MACROD2: variants seen among roughly 807,000 people sequenced by gnomAD.
MACROD2 encodes mono-ADP ribosylhydrolase 2.
In MACROD2, 36 loss-of-function variants were observed where a neutral mutation model predicts 70.4. The observed-to-expected ratio is 0.51, with a 90% confidence interval of 0.39 to 0.68. The LOEUF (loss-of-function observed/expected upper bound fraction) is 0.68, where lower values mean the gene tolerates loss of function less well. Among genes scored for constraint, MACROD2 ranks in the 30% least tolerant of loss-of-function variants. The pLI is 0.00. For missense variants in MACROD2, 496 were observed against 538.4 expected, an observed-to-expected ratio of 0.92 and a Z score of 0.78; for synonymous variants, 172 against 178.8, an observed-to-expected ratio of 0.96 and a Z score of 0.30.
At chr20:15,208,342 GTTTA>G (rs1203545616) in intron 5 of MACROD2, among the ~76,000 whole-genome samples, 1 of 152,042 alleles carries the variant, frequency 6.6e-6, no homozygotes, top group African/African-American at 2.4e-5. Context: ...GTACATAACT[GTTTA>G]TTGGAGCATT....
rs76797286 is a variant in MACROD2, at chr20:14,988,683, C to T, written c.419-241257C>T. 5.9e-3 allele frequency among the ~76,000 whole-genome samples: 902 copies of T among 152,238 alleles called. 14 individuals are homozygous for T. The highest frequency in any genetic ancestry group is 0.051 in the Middle Eastern group (15 of 294). On this transcript the variant is annotated intron_variant, in intron 5 of 17. Coordinates refer to ENST00000684519, the MANE Select transcript of MACROD2 (RefSeq NM_001351661.2). ...CTCATCAGTACCCACATCTGGCATTCGCACTGACCATTCTTTGTACAAGAG... is the reference window on the plus strand; with the variant it reads ...CTCATCAGTACCCACATCTGGCATTTGCACTGACCATTCTTTGTACAAGAG...
In MACROD2 at chr20:15,754,829, T is replaced by C. The variant is rs189419136; in HGVS notation, c.646-107916T>C. 3.8e-4 allele frequency among the ~76,000 whole-genome samples: 57 copies of C among 151,700 alleles called. No individual in the cohort carries two copies. The East Asian group carries it at 0.011, about 29-fold the overall frequency. On this transcript the variant is annotated intron_variant, in intron 8 of 17. Coordinates refer to ENST00000684519, the MANE Select transcript of MACROD2 (RefSeq NM_001351661.2). ...ACCTGGAGGGATTCTTCAAACAAGA[T>C]TGTTGGGCCCAAGATGGGGCCCAGG...
intron 7 of MACROD2, among the ~76,000 whole-genome samples, chr20:15,433,907 C>A (rs6043277): frequency 0.33 from 49,891 of 151,756 alleles, 8,701 homozygotes; most frequent in African/African-American, 0.44. Context: ...TTACAGCAAA[C>A]TGATCTTCAA....
chr20:15,007,486 A>G (rs2075048612), intron 5 of MACROD2, among the ~76,000 whole-genome samples: 1 of 152,214 alleles, frequency 6.6e-6, no homozygotes, highest in African/African-American at 2.4e-5. Flanking sequence ...ATAATGCATC[A>G]TGAGTGAGGT....
At chr20:15,005,680 C>T (rs1171222248) in intron 5 of MACROD2, among the ~76,000 whole-genome samples, 2 of 152,124 alleles carry the variant, frequency 1.3e-5, no homozygotes, top group African/African-American at 4.8e-5. Flanking sequence ...ATGGACCCCT[C>T]CTATTGTAGT....
intron 8 of MACROD2, among the ~76,000 whole-genome samples, chr20:15,642,901 A>G (rs1335760905): frequency 6.6e-6 from 1 of 152,148 alleles, no homozygotes. Context: ...GATTACTTGC[A>G]TGCCAACTCA....
intron 3 of MACROD2, among the ~76,000 whole-genome samples, chr20:14,263,384 G>A (rs956102652): frequency 6.6e-6 from 1 of 152,206 alleles, no homozygotes; most frequent in Non-Finnish European, 1.5e-5. Flanking sequence ...AGGAGTGGAA[G>A]CTAGAACCAT....
At chr20:14,934,030 A>G (rs2074318902) in intron 5 of MACROD2, 2 of 152,206 alleles carry the variant, frequency 1.3e-5, no homozygotes. Context: ...GTCAAGTTGC[A>G]CAACTGATAA....
intron 6 of MACROD2, among the ~76,000 whole-genome samples, chr20:15,414,920 A>T (rs2146330016): frequency 6.6e-6 from 1 of 152,342 alleles, no homozygotes; most frequent in Middle Eastern, 3.4e-3. Flanking sequence ...TTTTAGCAAT[A>T]TGCCTAAATG....
At chr20:15,057,856 T>G (rs1014134614) in intron 5 of MACROD2, among the ~76,000 whole-genome samples, 1 of 152,206 alleles carries the variant, frequency 6.6e-6, no homozygotes, top group African/African-American at 2.4e-5. Flanking sequence ...TTCTTTTTTT[T>G]GATCTCTCAC....
chr20:15,409,947 T>C (rs1432587304), intron 6 of MACROD2, among the ~76,000 whole-genome samples: 1 of 152,178 alleles, frequency 6.6e-6, no homozygotes, highest in Non-Finnish European at 1.5e-5. Flanking sequence ...CAAATCCAAG[T>C]GCAACCTTGG....
At chr20:15,902,049 A>G (rs1306453626) in intron 10 of MACROD2, among the ~76,000 whole-genome samples, 1 of 152,220 alleles carries the variant, frequency 6.6e-6, no homozygotes, top group Non-Finnish European at 1.5e-5. Context: ...CACAAGGTCA[A>G]AATTAGTTTT....
chr20:15,965,679 A>G (rs1269685883), intron 12 of MACROD2, among the ~76,000 whole-genome samples: 1 of 152,192 alleles, frequency 6.6e-6, no homozygotes, highest in Non-Finnish European at 1.5e-5. Context: ...AAATCATTGT[A>G]TATTTTTAGT....
At chr20:15,287,491 T>C (rs558591133) in intron 6 of MACROD2, among the ~76,000 whole-genome samples, 2 of 152,340 alleles carry the variant, frequency 1.3e-5, no homozygotes, top group South Asian at 2.1e-4. Flanking sequence ...ATGAGGTTTA[T>C]TGGAGGTACA....
chr20:14,597,035 G>A (rs1036272190), intron 4 of MACROD2, among the ~76,000 whole-genome samples: 17 of 152,014 alleles, frequency 1.1e-4, no homozygotes, highest in Middle Eastern at 3.2e-3. Flanking sequence ...CAAAATGACC[G>A]TTTTATCTTA....
chr20:14,127,991 T>C, intron 3 of MACROD2: 1 of 528,186 alleles, frequency 1.9e-6, no homozygotes, highest in Admixed American at 2.0e-5. Context: ...TTGTCAGTGG[T>C]CTGGAGAATC....
intron 10 of MACROD2, among the ~76,000 whole-genome samples, chr20:15,897,079 T>G (rs1005097334): frequency 1.3e-5 from 2 of 152,186 alleles, no homozygotes; most frequent in Non-Finnish European, 1.5e-5. Context: ...TTTCTCACAC[T>G]TCTTCCTTTG....
At chr20:14,821,975 T>C (rs1038815003) in intron 5 of MACROD2, among the ~76,000 whole-genome samples, 3 of 152,076 alleles carry the variant, frequency 2.0e-5, no homozygotes, top group African/African-American at 4.8e-5. Context: ...TCTAAATGGA[T>C]GTTTGATATT....
At chr20:15,426,621 T>G (rs1357731984) in intron 6 of MACROD2, among the ~76,000 whole-genome samples, 3 of 152,016 alleles carry the variant, frequency 2.0e-5, no homozygotes, top group Non-Finnish European at 2.9e-5. Flanking sequence ...TTTTTTTTGT[T>G]TTTTGTTTTT....
Sources: gnomAD v4.1 joint callset for allele counts (sites outside exome capture counted in the v4.1 genomes callset) on GRCh38, gnomAD v4.1.1 for gene constraint, MANE v1.5 for transcripts, NCBI Gene and HGNC (gene_info 2026-07-23, HGNC 2026-07-21) for gene names.